KANSL2: variants seen among roughly 807,000 people sequenced by gnomAD.
The protein encoded by KANSL2 is KAT8 regulatory NSL complex subunit 2.
KANSL2 carries 34 observed loss-of-function variants against 55.6 expected under a neutral mutation model. The observed-to-expected ratio is 0.61, with a 90% CI of 0.46 to 0.81. KANSL2 has a LOEUF of 0.81. Among genes scored for constraint, KANSL2 ranks in the 40% least tolerant of loss-of-function variants. KANSL2 has a pLI of 0.00. For missense variants in KANSL2, 502 were observed against 609.9 expected, an observed-to-expected ratio of 0.82 and a Z score of 1.86; for synonymous variants, 209 against 214.3, an observed-to-expected ratio of 0.98 and a Z score of 0.22.
At chr12:48,669,477 A>G (rs779640661) in intron 5 of KANSL2, among the ~76,000 whole-genome samples, 2 of 152,046 alleles carry the variant, frequency 1.3e-5, no homozygotes, top group Non-Finnish European at 2.9e-5. Flanking sequence ...TTGACCATAC[A>G]TACTATGGTG....
chr12:48,667,315 A>G lies in KANSL2; in HGVS notation c.973+378T>C, dbSNP rs73294096. The G allele has an allele frequency of 2.6e-3, 597 of 230,018 alleles. 6 individuals carry two copies. The highest frequency in any genetic ancestry group is 0.013 in the African/African-American group (563 of 43,984). 14.2% of individuals were successfully genotyped at this position (230,018 alleles called of 1,614,324 possible). ...AAACCCACAGTAATTTTTTAAGTTT[A>G]TAATTAGATTTAACAGCATTAGGAT... is the stretch of plus-strand genomic sequence containing the variant. On this transcript the variant is annotated intron_variant, in intron 7 of 9. Coordinates refer to ENST00000420613, the MANE Select transcript of KANSL2 (RefSeq NM_017822.4).
intron 2 of KANSL2, among the ~76,000 whole-genome samples, chr12:48,680,325 G>A: frequency 6.6e-6 from 1 of 151,978 alleles, no homozygotes; most frequent in East Asian, 1.9e-4. Context: ...CCAAGTAGTG[G>A]GGACTACATG....
At chr12:48,657,513 T>A (rs1274253490) in intron 8 of KANSL2, among the ~76,000 whole-genome samples, 1 of 152,130 alleles carries the variant, frequency 6.6e-6, no homozygotes, top group African/African-American at 2.4e-5. Context: ...TTCAGGTGAG[T>A]TGGAAACTTC....
intron 7 of KANSL2, among the ~76,000 whole-genome samples, chr12:48,665,388 C>T (rs1939577313): frequency 6.6e-6 from 1 of 152,026 alleles, no homozygotes; most frequent in African/African-American, 2.4e-5. Context: ...CACGGTGAAA[C>T]CCCATCTCTA....
At chr12:48,679,506 C>T (rs940282770) in intron 3 of KANSL2, 149 bp downstream of exon 3, 1 of 675,970 alleles carries the variant, frequency 1.5e-6, no homozygotes, top group African/African-American at 1.8e-5. Context: ...TTCAAAAGAA[C>T]TGGTAAACAA....
intron 7 of KANSL2, 103 bp downstream of exon 7, chr12:48,667,590 C>A: frequency 2.1e-6 from 2 of 946,348 alleles, no homozygotes; most frequent in Middle Eastern, 2.1e-4. Flanking sequence ...TGATTCAGGG[C>A]CAAAGGAAAA....
intron 4 of KANSL2, among the ~76,000 whole-genome samples, chr12:48,676,845 CAAT>C (rs1435608053): frequency 1.3e-5 from 2 of 152,022 alleles, no homozygotes; most frequent in African/African-American, 4.8e-5. Flanking sequence ...ACATCATAAA[CAAT>C]ATAAAATTGC....
At chr12:48,667,662 C>A (rs770604662) in intron 7 of KANSL2, 31 bp downstream of exon 7, 3 of 1,530,632 alleles carry the variant, frequency 2.0e-6, no homozygotes, top group Non-Finnish European at 2.7e-6. Context: ...ACTAGCAAAC[C>A]ACAGCCTTAA....
rs553404634 is a variant in KANSL2 at position 48,665,291 on chromosome 12, G to A, written c.973+2402C>T. Among the ~76,000 whole-genome samples the A allele has an allele frequency of 5.3e-4, 80 of 152,312 alleles. No individual in the cohort carries two copies. The Middle Eastern group carries it at 0.014, about 26-fold the overall frequency. On this transcript the variant is annotated intron_variant, in intron 7 of 9. Coordinates refer to ENST00000420613, the MANE Select transcript of KANSL2 (RefSeq NM_017822.4). Reference sequence around the variant, plus strand: ...TATTAAAGAAAATAAGTGGCCGGGCGCTGTGGCTCATGCCTGTAATCCCAG... The same window carrying A: ...TATTAAAGAAAATAAGTGGCCGGGCACTGTGGCTCATGCCTGTAATCCCAG...
At chr12:48,660,863 G>C (rs974161623) in intron 7 of KANSL2, among the ~76,000 whole-genome samples, 2 of 152,082 alleles carry the variant, frequency 1.3e-5, no homozygotes, top group East Asian at 3.8e-4. Context: ...TCCTTTTCAG[G>C]ATCCTGGTCA....
intron 7 of KANSL2, chr12:48,667,456 C>T (rs1302140700): frequency 1.6e-6 from 1 of 625,438 alleles, no homozygotes; most frequent in South Asian, 1.5e-5. Flanking sequence ...TGAAAAACGA[C>T]TCATGTTTCT....
In KANSL2 at chr12:48,682,031, G is replaced by A. The variant is rs533669515; in HGVS notation, c.-10+156C>T. On this transcript the variant is annotated intron_variant, in intron 1 of 9. Transcript: ENST00000420613. Reference sequence around the variant, plus strand: ...CTATGCGAGCGCCATTTTGTCCTACGGCTCCAGTCACCGGAGATCCTGGCT... The same window carrying A: ...CTATGCGAGCGCCATTTTGTCCTACAGCTCCAGTCACCGGAGATCCTGGCT... The A allele has an allele frequency of 6.1e-4, 429 of 703,014 alleles. 4 individuals carry two copies. In the East Asian group the frequency reaches 0.01, roughly 17 times the overall value. The allele number at this position is 703,014 out of a possible 1,614,324, so 43.5% of individuals were successfully genotyped here.
intron 7 of KANSL2, chr12:48,662,499 TC>T: frequency 8.4e-7 from 1 of 1,186,102 alleles, no homozygotes. Flanking sequence ...CCCATCATCC[TC>T]CACCCGCTTT....
At chr12:48,672,367 G>A (rs113533918) in intron 4 of KANSL2, among the ~76,000 whole-genome samples, 6,619 of 126,182 alleles carry the variant, frequency 0.052, 584 homozygotes, top group African/African-American at 0.18. Flanking sequence ...ATATATACAT[G>A]TATATATACG....
rs1222019068 is a variant in KANSL2 at position 48,682,174 on chromosome 12, A to G, written c.-10+13T>C. ...ACCGCAAGAGCTTAGAGGAAAGAGC[A>G]CCGCCATCTTACCTCAGGAGCTGCG... On this transcript the variant is annotated intron_variant, in intron 1 of 9. Coordinates refer to ENST00000420613, the MANE Select transcript of KANSL2 (RefSeq NM_017822.4). 4.3e-6 allele frequency: 3 copies of G among 695,660 alleles called. No homozygotes were observed. The highest frequency in any genetic ancestry group is 7.9e-6 in the Non-Finnish European group (3 of 380,968). The allele number at this position is 695,660 out of a possible 1,614,324, so 43.1% of individuals were successfully genotyped here.
chr12:48,669,842 A>G (rs1939676651), intron 5 of KANSL2, among the ~76,000 whole-genome samples: 1 of 152,090 alleles, frequency 6.6e-6, no homozygotes, highest in South Asian at 2.1e-4. Context: ...TAGTGACATC[A>G]TAGTTCAACC....
Position 48,669,117 on chromosome 12 carries a change from C to T in KANSL2, c.865G>A (p.Ala289Thr). 6.5e-7 allele frequency: 1 copy of T among 1,545,968 alleles called. No individual in the cohort carries two copies. The highest frequency in any genetic ancestry group is 8.7e-7 in the Non-Finnish European group (1 of 1,144,664). Residue 289 changes from alanine (A) to threonine (T), a missense_variant, in exon 6 of 10, where the codon GCT (alanine) becomes ACT (threonine). Physicochemically the swap from Ala to Thr is moderately conservative, Grantham distance 58. Coordinates refer to ENST00000420613, the MANE Select transcript of KANSL2 (RefSeq NM_017822.4). The part of the protein sequence containing the change: ...KERRMLATDG[A>T]AQQAHTTRSS... ...TACACACAAATTACCTGTTGGGCAG[C>T]ACCATCTGTGGCCAGCATTCTCCGT...
chr12:48,675,144 C>T (rs1939797304), intron 4 of KANSL2, among the ~76,000 whole-genome samples: 1 of 151,856 alleles, frequency 6.6e-6, no homozygotes, highest in African/African-American at 2.4e-5. Context: ...GCCTGTAATT[C>T]TAGCACTTTG....
At chr12:48,671,693 A>T (rs1939717422) in intron 5 of KANSL2, 106 bp downstream of exon 5, 1 of 1,220,462 alleles carries the variant, frequency 8.2e-7, no homozygotes, top group African/African-American at 1.5e-5. Flanking sequence ...AATGACAAAA[A>T]TCACCTAACA....
Sources: gnomAD v4.1 joint callset for allele counts (sites outside exome capture counted in the v4.1 genomes callset) on GRCh38, gnomAD v4.1.1 for gene constraint, MANE v1.5 for transcripts, NCBI Gene and HGNC (gene_info 2026-07-23, HGNC 2026-07-21) for gene names.